The following FSTL5 variants were observed in gnomAD, a reference collection of about 807,000 sequenced individuals.
FSTL5 encodes the protein follistatin like 5.
Under a neutral mutation model 89.1 loss-of-function variants are expected in FSTL5, and 62 were observed. The ratio of observed to expected loss-of-function variants is 0.70; its 90% confidence interval spans 0.57 to 0.86. The LOEUF (loss-of-function observed/expected upper bound fraction) is 0.86, where lower values mean the gene tolerates loss of function less well. Among genes scored for constraint, FSTL5 ranks in the 40% least tolerant of loss-of-function variants. FSTL5 has a pLI of 0.00. For synonymous variants in FSTL5, 383 were observed against 346.2 expected, an observed-to-expected ratio of 1.11 and a Z score of -1.18; for missense variants, 1,057 against 1,001.6, an observed-to-expected ratio of 1.06 and a Z score of -0.75.
intron 3 of FSTL5, among the ~76,000 whole-genome samples, chr4:161,981,688 A>T (rs935529737): frequency 6.6e-6 from 1 of 152,200 alleles, no homozygotes; most frequent in African/African-American, 2.4e-5. Context: ...TACTTTTTAA[A>T]TGTACTTTGA....
intron 6 of FSTL5, among the ~76,000 whole-genome samples, chr4:161,700,575 T>C (rs1202077132): frequency 2.0e-5 from 3 of 151,996 alleles, no homozygotes; most frequent in South Asian, 2.1e-4. Flanking sequence ...GAGGTTTTGC[T>C]ATGTTTGCCC....
At chr4:161,412,649 T>C (rs997326417) in intron 15 of FSTL5, among the ~76,000 whole-genome samples, 10 of 152,088 alleles carry the variant, frequency 6.6e-5, no homozygotes, top group Non-Finnish European at 7.4e-5. Context: ...TAAAGTATAA[T>C]TTAAAACAAA....
At chr4:161,505,013 T>C (rs896746447) in intron 11 of FSTL5, among the ~76,000 whole-genome samples, 3 of 152,098 alleles carry the variant, frequency 2.0e-5, no homozygotes, top group Admixed American at 2.0e-4. Context: ...TGAGAAGTTA[T>C]AAGTGTATGA....
At chr4:162,058,962 T>C (rs987143698) in intron 2 of FSTL5, among the ~76,000 whole-genome samples, 4 of 152,196 alleles carry the variant, frequency 2.6e-5, no homozygotes, top group African/African-American at 9.6e-5. Flanking sequence ...AATTCACTAA[T>C]TCTTTACCCT....
intron 14 of FSTL5, among the ~76,000 whole-genome samples, chr4:161,458,315 C>T (rs752701218): frequency 3.1e-4 from 47 of 152,022 alleles, no homozygotes; most frequent in Non-Finnish European, 1.5e-4. Flanking sequence ...AATATTTTTT[C>T]AATGTTTCAA....
chr4:161,413,226 T>G (rs1731654767), intron 15 of FSTL5, among the ~76,000 whole-genome samples: 1 of 20,658 alleles, frequency 4.8e-5, no homozygotes, highest in Non-Finnish European at 9.4e-5. Context: ...AATTAAAAAA[T>G]GGGCAAAGGA....
chr4:162,078,779 G>A (rs529081906), intron 2 of FSTL5, among the ~76,000 whole-genome samples: 1 of 151,752 alleles, frequency 6.6e-6, no homozygotes, highest in African/African-American at 2.4e-5. Context: ...GAGTGTCAAG[G>A]GAACCAAGTC....
At chr4:162,129,613 A>C (rs9994678) in intron 1 of FSTL5, among the ~76,000 whole-genome samples, 1,617 of 152,330 alleles carry the variant, frequency 0.011, 32 homozygotes, top group African/African-American at 0.036. Flanking sequence ...CAAAATAGTC[A>C]CCAAAATATA....
At chr4:162,004,299 T>TTA (rs1560965217) in intron 3 of FSTL5, among the ~76,000 whole-genome samples, 1 of 152,198 alleles carries the variant, frequency 6.6e-6, no homozygotes, top group Non-Finnish European at 1.5e-5. Context: ...TCTTAACTAC[T>TTA]TTCTTTCACT....
chr4:161,397,394 A>C (rs560274001), intron 15 of FSTL5, among the ~76,000 whole-genome samples: 1 of 152,032 alleles, frequency 6.6e-6, no homozygotes, highest in African/African-American at 2.4e-5. Context: ...CATATGTATA[A>C]AATTAATAAT....
chr4:161,436,511 C>T (rs931790597), intron 15 of FSTL5, among the ~76,000 whole-genome samples: 4 of 152,152 alleles, frequency 2.6e-5, no homozygotes, highest in Admixed American at 6.5e-5. Flanking sequence ...TGCATCATTG[C>T]TTCGGCTGCA....
At chr4:161,762,343 C>T (rs1236139919) in intron 5 of FSTL5, among the ~76,000 whole-genome samples, 2 of 152,156 alleles carry the variant, frequency 1.3e-5, no homozygotes, top group East Asian at 1.9e-4. Context: ...AGTAGACTTC[C>T]TTCCTCAGTC....
chr4:162,090,365 A>G (rs1730497632), intron 2 of FSTL5, among the ~76,000 whole-genome samples: 1 of 152,174 alleles, frequency 6.6e-6, no homozygotes, highest in Non-Finnish European at 1.5e-5. Context: ...GTTCTGATAC[A>G]TAGCATCTAT....
intron 4 of FSTL5, among the ~76,000 whole-genome samples, chr4:161,916,726 T>C (rs1186558224): frequency 6.6e-6 from 1 of 152,102 alleles, no homozygotes; most frequent in Non-Finnish European, 1.5e-5. Context: ...AAAAAAATTA[T>C]TGGTAAATTT....
chr4:161,992,932 AT>A (rs1736173097), intron 3 of FSTL5, among the ~76,000 whole-genome samples: 1 of 13,526 alleles, frequency 7.4e-5, no homozygotes, highest in Non-Finnish European at 3.0e-4. Context: ...ATATGTGTGT[AT>A]ATATATATGT....
chr4:161,808,962 T>C (rs991897541), intron 4 of FSTL5, among the ~76,000 whole-genome samples: 1 of 152,204 alleles, frequency 6.6e-6, no homozygotes, highest in Non-Finnish European at 1.5e-5. Context: ...CTCACTCCTG[T>C]AACCTCAGCA....
At chr4:161,706,528 T>G (rs1738586804) in intron 6 of FSTL5, among the ~76,000 whole-genome samples, 1 of 152,024 alleles carries the variant, frequency 6.6e-6, no homozygotes, top group African/African-American at 2.4e-5. Flanking sequence ...TCGAATGCTT[T>G]TTTCATTAGG....
intron 6 of FSTL5, among the ~76,000 whole-genome samples, chr4:161,740,030 A>ATTTC (rs1172026444): frequency 6.6e-6 from 1 of 151,642 alleles, no homozygotes; most frequent in Non-Finnish European, 1.5e-5. Context: ...TTATTTATTT[A>ATTTC]TTTATTGAGA....
At chr4:161,782,429 A>G (rs1741707266) in intron 4 of FSTL5, among the ~76,000 whole-genome samples, 1 of 152,140 alleles carries the variant, frequency 6.6e-6, no homozygotes, top group Non-Finnish European at 1.5e-5. Context: ...TTGAGTTTTC[A>G]TCAGTCTAAT....
Sources: gnomAD v4.1 joint callset for allele counts (sites outside exome capture counted in the v4.1 genomes callset) on GRCh38, gnomAD v4.1.1 for gene constraint, MANE v1.5 for transcripts, NCBI Gene and HGNC (gene_info 2026-07-23, HGNC 2026-07-21) for gene names.